The following NUP210L variants were observed in gnomAD, a reference collection of about 807,000 sequenced individuals.
NUP210L encodes the protein nucleoporin 210 like.
A neutral mutation model predicts 208.5 loss-of-function variants in NUP210L; 74 were observed. The ratio of observed to expected loss-of-function variants is 0.35; its 90% CI spans 0.29 to 0.43. The LOEUF is 0.43. NUP210L is among the 20% of genes least tolerant of loss of function. The pLI, the probability that NUP210L is intolerant of heterozygous loss-of-function variation, is 1.00. For synonymous variants in NUP210L, 780 were observed against 816.9 expected, an observed-to-expected ratio of 0.95 and a Z score of 0.77; for missense variants, 1,843 against 2,289.4, an observed-to-expected ratio of 0.81 and a Z score of 3.98.
At chr1:154,037,853 A>T (rs1254011762) in intron 27 of NUP210L, among the ~76,000 whole-genome samples, 1 of 152,026 alleles carries the variant, frequency 6.6e-6, no homozygotes, top group East Asian at 1.9e-4. Flanking sequence ...CCTGGCCTCA[A>T]GTGATCCACC....
intron 37 of NUP210L, chr1:153,995,603 TC>T (rs1649803254): frequency 3.4e-6 from 3 of 877,064 alleles, no homozygotes; most frequent in South Asian, 1.3e-5. Context: ...TTCTTCCTCT[TC>T]CAGGGACGTT....
intron 16 of NUP210L, among the ~76,000 whole-genome samples, chr1:154,088,654 G>A (rs780390304): frequency 2.0e-5 from 3 of 152,144 alleles, no homozygotes; most frequent in Non-Finnish European, 2.9e-5. Context: ...ATAATAAAAG[G>A]CAGTATGGCA....
intron 22 of NUP210L, among the ~76,000 whole-genome samples, chr1:154,057,555 C>T (rs1465872702): frequency 6.6e-6 from 1 of 151,998 alleles, no homozygotes; most frequent in Non-Finnish European, 1.5e-5. Context: ...AGTATGTCTG[C>T]CTCTAAATAT....
chr1:154,063,459 A>G (rs1328768680), intron 17 of NUP210L, among the ~76,000 whole-genome samples: 1 of 152,174 alleles, frequency 6.6e-6, no homozygotes, highest in African/African-American at 2.4e-5. Flanking sequence ...AAAGAAGTAA[A>G]CAGGGTCAGT....
intron 35 of NUP210L, 84 bp from the exon 36 acceptor site, chr1:154,002,069 T>G (rs1650252944): frequency 1.4e-6 from 2 of 1,393,328 alleles, no homozygotes; most frequent in African/African-American, 2.9e-5. Context: ...GGGAAAATTG[T>G]GACATGCAAA....
At chr1:153,998,342 A>G (rs1024668414) in intron 37 of NUP210L, among the ~76,000 whole-genome samples, 1 of 151,948 alleles carries the variant, frequency 6.6e-6, no homozygotes, top group Non-Finnish European at 1.5e-5. Flanking sequence ...ATCATTTGAG[A>G]TCAGGAGTTC....
At chr1:154,010,943 G>T (rs1557911941) in intron 34 of NUP210L, among the ~76,000 whole-genome samples, 1 of 152,030 alleles carries the variant, frequency 6.6e-6, no homozygotes, top group Non-Finnish European at 1.5e-5. Context: ...AGGTCTAAGA[G>T]AATTTGTTTT....
In NUP210L at chr1:154,120,944, G is replaced by A. The variant is rs1325962004; in HGVS notation, c.1327-2136C>T. On this transcript the variant is annotated intron_variant, in intron 10 of 39. Transcript: ENST00000368559. ...AGTGCATTATTAAATTTATAAATAT[G>A]TACTTTAAAAATCCCTTTATTGTTG... 3.4e-5 allele frequency among the ~76,000 whole-genome samples: 5 copies of A among 148,274 alleles called. No individual in the cohort carries two copies. The Admixed American group carries it at 3.4e-4, about 10-fold the overall frequency.
chr1:154,017,584 T>C (rs1195135753), intron 33 of NUP210L, among the ~76,000 whole-genome samples: 1 of 150,462 alleles, frequency 6.6e-6, no homozygotes, highest in Non-Finnish European at 1.5e-5. Context: ...TGGTGTGATC[T>C]TGGCTCACTG....
chr1:154,005,454 C>T (rs1004890561), intron 35 of NUP210L, among the ~76,000 whole-genome samples: 11 of 151,450 alleles, frequency 7.3e-5, no homozygotes, highest in Admixed American at 6.6e-4. Context: ...GTCTTGAACT[C>T]CTGACCTCAG....
At chr1:154,019,849 C>T (rs1414903575) in intron 32 of NUP210L, among the ~76,000 whole-genome samples, 1 of 151,942 alleles carries the variant, frequency 6.6e-6, no homozygotes, top group Non-Finnish European at 1.5e-5. Flanking sequence ...CCACTTGAAC[C>T]CAGAAGGTGG....
At chr1:154,071,264 CT>C (rs907854429) in intron 16 of NUP210L, among the ~76,000 whole-genome samples, 26 of 151,232 alleles carry the variant, frequency 1.7e-4, no homozygotes, top group African/African-American at 5.3e-4. Flanking sequence ...ACCTGGATAA[CT>C]TTTTTTTAAT....
At chr1:154,088,276 G>A (rs1051417657) in intron 16 of NUP210L, among the ~76,000 whole-genome samples, 5 of 152,004 alleles carry the variant, frequency 3.3e-5, no homozygotes, top group African/African-American at 1.2e-4. Context: ...AAGTTGAGGT[G>A]GCAGATGGTG....
At chr1:154,153,634 C>A (rs1046957668) in intron 1 of NUP210L, among the ~76,000 whole-genome samples, 1 of 150,410 alleles carries the variant, frequency 6.6e-6, no homozygotes, top group Non-Finnish European at 1.5e-5. Context: ...TAAATAGAGA[C>A]GGGGTCTCAC....
At chr1:154,056,341 T>G (rs1456206759) in intron 23 of NUP210L, among the ~76,000 whole-genome samples, 1 of 152,152 alleles carries the variant, frequency 6.6e-6, no homozygotes, top group Admixed American at 6.6e-5. Context: ...CTATAAGAAC[T>G]GTTTTATACA....
chr1:154,101,715 AATCT>A (rs1432540334), intron 13 of NUP210L, among the ~76,000 whole-genome samples: 1 of 152,232 alleles, frequency 6.6e-6, no homozygotes, highest in African/African-American at 2.4e-5. Context: ...GTATTATAGA[AATCT>A]AGAAAATAGA....
At position 154,125,736 on chromosome 1, in the gene NUP210L, AGG is replaced by A. The variant is rs1374370943; in HGVS notation, c.1326+585_1326+586del. 2.0e-4 allele frequency among the ~76,000 whole-genome samples: 2 copies of A among 10,200 alleles called. 1 individual carries two copies. Among genetic ancestry groups the A allele is most frequent in the African/African-American group, 3.7e-4 (2 of 5,352 alleles). The allele number at this position is 10,200 out of a possible 152,430, so 6.7% of individuals were successfully genotyped here. ...AAGGAAGGAAGGAAGGAAGGAAGGAAGGGAGGGAGGGAAATGTTTTTTTTTTT... is the reference window on the plus strand; with the variant it reads ...AAGGAAGGAAGGAAGGAAGGAAGGAAGAGGGAGGGAAATGTTTTTTTTTTT... On this transcript the variant is annotated intron_variant, in intron 10 of 39. Coordinates refer to ENST00000368559, the Ensembl canonical transcript of NUP210L.
At chr1:154,109,948 T>TAGAGGCC (rs1656957136) in intron 12 of NUP210L, among the ~76,000 whole-genome samples, 1 of 151,182 alleles carries the variant, frequency 6.6e-6, no homozygotes, top group Non-Finnish European at 1.5e-5. Flanking sequence ...ATCAAAAAAG[T>TAGAGGCC]AGAGGCCAGG....
intron 17 of NUP210L, among the ~76,000 whole-genome samples, chr1:154,068,787 GA>G (rs1393646281): frequency 1.3e-5 from 2 of 151,264 alleles, no homozygotes; most frequent in African/African-American, 4.9e-5. Context: ...AGAACACATG[GA>G]CACAGGAAGG....
Sources: allele counts gnomAD v4.1 joint callset (sites outside exome capture counted in the v4.1 genomes callset), GRCh38; gene constraint gnomAD v4.1.1; transcripts MANE v1.5; gene names NCBI Gene and HGNC (gene_info 2026-07-23, HGNC 2026-07-21).